The following MAP4K3 variants were observed in gnomAD, a reference collection of about 807,000 sequenced individuals.
The protein encoded by MAP4K3 is mitogen-activated protein kinase kinase kinase kinase 3.
Under a neutral mutation model 143.5 loss-of-function variants are expected in MAP4K3, and 94 were observed. The ratio of observed to expected loss-of-function variants is 0.65; its 90% CI spans 0.55 to 0.78. The LOEUF (loss-of-function observed/expected upper bound fraction) is 0.78, where lower values mean the gene tolerates loss of function less well. Among genes scored for constraint, MAP4K3 ranks in the 30% least tolerant of loss-of-function variants. MAP4K3 has a pLI of 0.00. For synonymous variants in MAP4K3, 416 were observed against 347.2 expected, an observed-to-expected ratio of 1.20 and a Z score of -2.20; for missense variants, 1,077 against 1,068.1, an observed-to-expected ratio of 1.01 and a Z score of -0.12.
intron 26 of MAP4K3, among the ~76,000 whole-genome samples, chr2:39,267,837 C>T (rs1680829568): frequency 6.6e-6 from 1 of 152,038 alleles, no homozygotes; most frequent in Non-Finnish European, 1.5e-5. Context: ...ACAAATCATA[C>T]AGGAAAATGC....
chr2:39,273,506 T>C (rs554693262), intron 24 of MAP4K3, among the ~76,000 whole-genome samples: 6 of 146,588 alleles, frequency 4.1e-5, no homozygotes, highest in South Asian at 2.3e-4. Flanking sequence ...CCAAAACTAA[T>C]TGAGATGAGA....
intron 15 of MAP4K3, among the ~76,000 whole-genome samples, chr2:39,303,541 GTTTT>G (rs1271950309): frequency 6.6e-6 from 1 of 151,880 alleles, no homozygotes; most frequent in Non-Finnish European, 1.5e-5. Flanking sequence ...TGTTTTTTGG[GTTTT>G]TGTTTGTTTT....
At chr2:39,284,695 G>A (rs1573094931) in intron 21 of MAP4K3, among the ~76,000 whole-genome samples, 2 of 151,198 alleles carry the variant, frequency 1.3e-5, no homozygotes, top group Admixed American at 6.6e-5. Context: ...AATACAAAAA[G>A]TAGCCAGGCG....
chr2:39,252,381 G>C (rs1314609230), intron 32 of MAP4K3, among the ~76,000 whole-genome samples: 1 of 152,230 alleles, frequency 6.6e-6, no homozygotes, highest in Non-Finnish European at 1.5e-5. Flanking sequence ...TTTGCCTTAT[G>C]CAAGATGGGA....
At chr2:39,276,627 T>C (rs1681264811) in intron 24 of MAP4K3, among the ~76,000 whole-genome samples, 1 of 152,262 alleles carries the variant, frequency 6.6e-6, no homozygotes, top group South Asian at 2.1e-4. Flanking sequence ...CAATGGTGTC[T>C]ACCTGTGAGA....
Position 39,331,809 on chromosome 2 carries a change from C to G in MAP4K3, c.530+108G>C, listed in dbSNP as rs970812698. The G allele has an allele frequency of 4.7e-6, 3 of 641,846 alleles. No individual in the cohort carries two copies. In the African/African-American group the frequency reaches 5.4e-5, roughly 12 times the overall value. The allele number at this position is 641,846 out of a possible 1,614,324, so 39.8% of individuals were successfully genotyped here. A position where few individuals can be genotyped will look rare whatever the true frequency, so the allele number is the denominator to read the frequency against. On this transcript the variant is annotated intron_variant, in intron 8 of 33. Transcript: ENST00000263881. ...CCTGAATTACTTTGCCTGTTGATGA[C>G]TTTTTTCTTAATCTTAGTCTGAAAA...
At chr2:39,323,160 C>G (rs1396628811) in intron 12 of MAP4K3, among the ~76,000 whole-genome samples, 3 of 152,284 alleles carry the variant, frequency 2.0e-5, no homozygotes, top group East Asian at 3.9e-4. Context: ...AATGTAACAG[C>G]TTCCCCTCAT....
chr2:39,305,295 C>G (rs974483427), intron 15 of MAP4K3, among the ~76,000 whole-genome samples: 3 of 151,906 alleles, frequency 2.0e-5, no homozygotes, highest in Admixed American at 6.6e-5. Flanking sequence ...AGGTGGGGGG[C>G]CCAGTATTAC....
rs148792340 is a variant in MAP4K3, at chr2:39,426,253, A to G, written c.96+10639T>C. ...CAAAATAAATGATGCGTACTACTCA[A>G]AAATGTTGGTGTCTAAAAGACAAAG... On this transcript the variant is annotated intron_variant, in intron 1 of 33. Transcript: ENST00000263881. Among the ~76,000 whole-genome samples, 90 of 152,288 alleles carry G rather than the reference A, an allele frequency of 5.9e-4. No homozygotes were observed. In the Middle Eastern group the frequency reaches 0.01, roughly 17 times the overall value.
intron 1 of MAP4K3, among the ~76,000 whole-genome samples, chr2:39,394,108 A>C (rs542254950): frequency 1.3e-5 from 2 of 152,350 alleles, no homozygotes; most frequent in East Asian, 3.9e-4. Context: ...ATGCTTTATA[A>C]AAATTTTTCT....
intron 4 of MAP4K3, among the ~76,000 whole-genome samples, chr2:39,339,287 C>A (rs1285298735): frequency 6.6e-6 from 1 of 152,162 alleles, no homozygotes; most frequent in East Asian, 1.9e-4. Flanking sequence ...CAAGCCCACA[C>A]ACATTCAGTA....
intron 24 of MAP4K3, among the ~76,000 whole-genome samples, chr2:39,273,820 T>C (rs1238257206): frequency 1.3e-5 from 2 of 152,238 alleles, no homozygotes; most frequent in African/African-American, 2.4e-5. Flanking sequence ...TCAACATCCA[T>C]TTCCTACTTT....
At chr2:39,252,151 G>C (rs1214823599) in intron 32 of MAP4K3, among the ~76,000 whole-genome samples, 1 of 152,160 alleles carries the variant, frequency 6.6e-6, no homozygotes, top group East Asian at 1.9e-4. Flanking sequence ...AAACTTAAAA[G>C]CAAAGCACTA....
chr2:39,369,206 T>TTTTTTTG (rs1666013310), intron 2 of MAP4K3, among the ~76,000 whole-genome samples: 1 of 9,068 alleles, frequency 1.1e-4, no homozygotes, highest in African/African-American at 1.5e-4. Flanking sequence ...TTTTTTTTTG[T>TTTTTTTG]TTTTTTTGAG....
intron 13 of MAP4K3, among the ~76,000 whole-genome samples, chr2:39,311,425 C>T (rs1682932461): frequency 1.3e-5 from 2 of 152,160 alleles, no homozygotes; most frequent in Non-Finnish European, 2.9e-5. Context: ...GCTGCTGATA[C>T]AGGGTACTTG....
intron 22 of MAP4K3, among the ~76,000 whole-genome samples, chr2:39,281,167 G>T (rs539841989): frequency 2.3e-4 from 35 of 152,286 alleles, no homozygotes; most frequent in African/African-American, 7.9e-4. Context: ...GAAAATTTCA[G>T]TATTTGCCAT....
intron 2 of MAP4K3, among the ~76,000 whole-genome samples, chr2:39,364,045 A>C (rs1039568174): frequency 3.3e-5 from 5 of 151,790 alleles, no homozygotes; most frequent in African/African-American, 1.2e-4. Flanking sequence ...GGATATGAAT[A>C]CCCCCGTCCA....
chr2:39,402,782 A>C (rs1666983542), intron 1 of MAP4K3, among the ~76,000 whole-genome samples: 1 of 152,004 alleles, frequency 6.6e-6, no homozygotes, highest in Non-Finnish European at 1.5e-5. Flanking sequence ...CAAACCAATC[A>C]GAAAAAAAGA....
intron 1 of MAP4K3, among the ~76,000 whole-genome samples, chr2:39,432,276 G>A (rs1273577678): frequency 2.0e-5 from 3 of 152,176 alleles, no homozygotes; most frequent in Non-Finnish European, 2.9e-5. Flanking sequence ...ACAGATCAAA[G>A]GCTGGAGGTA....
Sources: gnomAD v4.1 joint callset for allele counts (sites outside exome capture counted in the v4.1 genomes callset) on GRCh38, gnomAD v4.1.1 for gene constraint, MANE v1.5 for transcripts, NCBI Gene and HGNC (gene_info 2026-07-23, HGNC 2026-07-21) for gene names.